Variants in ANKS1B observed in about 807,000 individuals in gnomAD.
The protein encoded by ANKS1B is ankyrin repeat and sterile alpha motif domain-containing protein 1B.
A neutral mutation model predicts 148.3 loss-of-function variants in ANKS1B; 36 were observed. The observed-to-expected ratio is 0.24, with a 90% CI of 0.19 to 0.32. ANKS1B has a LOEUF of 0.32. Ranked by LOEUF, ANKS1B falls within the 10% of genes least tolerant of loss-of-function variation. The pLI is 1.00. For synonymous variants in ANKS1B, 542 were observed against 560.8 expected (o/e 0.97, Z 0.47); for missense variants, 1,157 against 1,542.6 (o/e 0.75, Z 4.19).
intron 17 of ANKS1B, among the ~76,000 whole-genome samples, chr12:98,872,004 T>C (rs1452631367): frequency 4.6e-5 from 7 of 152,186 alleles, no homozygotes; most frequent in Admixed American, 4.6e-4. Context: ...ATAATAATAT[T>C]TGGAATATTT....
At chr12:98,945,505 C>CAAAAAAAAAAAAAAAAAAAAAAAAA (rs3051086) in intron 17 of ANKS1B, among the ~76,000 whole-genome samples, 2 of 30,298 alleles carry the variant, frequency 6.6e-5, no homozygotes, top group African/African-American at 2.2e-4. Context: ...AACAAACAAA[C>CAAAAAAAAAAAAAAAAAAAAAAAAA]AAAAAAAAAA....
chr12:99,063,477 T>C (rs953286316), intron 16 of ANKS1B, among the ~76,000 whole-genome samples: 27 of 152,170 alleles, frequency 1.8e-4, no homozygotes, highest in African/African-American at 6.5e-4. Flanking sequence ...GTTTCATCAG[T>C]GGCTCTTAAA....
intron 12 of ANKS1B, among the ~76,000 whole-genome samples, chr12:99,254,250 A>G (rs2074994364): frequency 6.6e-6 from 1 of 152,242 alleles, no homozygotes; most frequent in Admixed American, 6.5e-5. Context: ...CCTGTAGAAC[A>G]TATACACTAA....
intron 15 of ANKS1B, among the ~76,000 whole-genome samples, chr12:99,120,280 G>A (rs7961981): frequency 0.58 from 88,607 of 151,998 alleles, 26,288 homozygotes; most frequent in East Asian, 0.74. Context: ...ACAGTGACCC[G>A]GGCTGGGAGT....
rs544811749 is a variant in ANKS1B, at chr12:98,901,664, G to C, written c.2779-69528C>G. Among the ~76,000 whole-genome samples the C allele has an allele frequency of 2.6e-4, 39 of 152,302 alleles. 1 individual carries two copies. The South Asian group carries it at 7.2e-3, about 28-fold the overall frequency. On this transcript the variant is annotated intron_variant, in intron 17 of 26. Coordinates refer to ENST00000683438, the MANE Select transcript of ANKS1B (RefSeq NM_001352186.2). ...ATAAATGTTAGCATATGTTAATAGA[G>C]GGCACAAAATAGAAGTCAGAGAGAG...
chr12:99,426,852 C>T (rs1371662447), intron 11 of ANKS1B, among the ~76,000 whole-genome samples: 1 of 152,126 alleles, frequency 6.6e-6, no homozygotes, highest in Non-Finnish European at 1.5e-5. Context: ...CCAGTTCCAG[C>T]AACATCAAAA....
At chr12:99,312,940 G>C (rs532281396) in intron 12 of ANKS1B, among the ~76,000 whole-genome samples, 6 of 152,158 alleles carry the variant, frequency 3.9e-5, no homozygotes, top group African/African-American at 7.2e-5. Flanking sequence ...AACTGAAGGA[G>C]ATGGAAACAT....
At chr12:99,958,315 G>A (rs188534799) in intron 1 of ANKS1B, among the ~76,000 whole-genome samples, 1 of 152,288 alleles carries the variant, frequency 6.6e-6, no homozygotes, top group Non-Finnish European at 1.5e-5. Flanking sequence ...ACCACAAAAG[G>A]CCTCAAGTGA....
In ANKS1B at chr12:99,524,237, T is replaced by A. The variant is rs554826283; in HGVS notation, c.1273-19596A>T. On this transcript the variant is annotated intron_variant, in intron 9 of 26. Coordinates refer to ENST00000683438, the MANE Select transcript of ANKS1B (RefSeq NM_001352186.2). Reference sequence around the variant, plus strand: ...AATCAGAAGAAAAATAACTTTTTTTTAAAACGAAGATACTTTAGGTGGGAG... The same window carrying A: ...AATCAGAAGAAAAATAACTTTTTTTAAAAACGAAGATACTTTAGGTGGGAG... Among the ~76,000 whole-genome samples the A allele has an allele frequency of 5.7e-4, 87 of 152,276 alleles. No individual in the cohort carries two copies. In the South Asian group the frequency reaches 0.013, roughly 22 times the overall value.
At chr12:98,931,583 T>C (rs2099813707) in intron 17 of ANKS1B, 1 of 152,190 alleles carries the variant, frequency 6.6e-6, no homozygotes, top group South Asian at 2.1e-4. Context: ...GTATTACTCT[T>C]TTTATATTGA....
intron 1 of ANKS1B, among the ~76,000 whole-genome samples, chr12:99,861,525 T>C (rs895601841): frequency 5.3e-5 from 8 of 152,236 alleles, no homozygotes; most frequent in African/African-American, 1.7e-4. Context: ...AGAATTGTTT[T>C]GTCTATCAGT....
At chr12:99,227,546 T>C (rs2086145173) in intron 14 of ANKS1B, among the ~76,000 whole-genome samples, 1 of 152,160 alleles carries the variant, frequency 6.6e-6, no homozygotes, top group Non-Finnish European at 1.5e-5. Flanking sequence ...GGAGGAGAGA[T>C]GTCTGATTAA....
chr12:98,943,450 T>C (rs760772262), intron 17 of ANKS1B, among the ~76,000 whole-genome samples: 5 of 152,228 alleles, frequency 3.3e-5, no homozygotes, highest in Admixed American at 2.6e-4. Flanking sequence ...CAGATCTTAC[T>C]GGACAAAGAT....
chr12:99,176,931 T>TG (rs1336004151), intron 14 of ANKS1B, among the ~76,000 whole-genome samples: 2 of 152,148 alleles, frequency 1.3e-5, no homozygotes, highest in African/African-American at 4.8e-5. Context: ...TTACATAGTC[T>TG]CAGATGTTTC....
At chr12:99,013,612 C>A (rs774890527) in intron 17 of ANKS1B, among the ~76,000 whole-genome samples, 1 of 152,058 alleles carries the variant, frequency 6.6e-6, no homozygotes, top group South Asian at 2.1e-4. Flanking sequence ...ATCTAGAAAA[C>A]CTCATAATCT....
At chr12:99,309,622 T>A (rs2082867564) in intron 12 of ANKS1B, among the ~76,000 whole-genome samples, 1 of 152,062 alleles carries the variant, frequency 6.6e-6, no homozygotes. Context: ...CACACATAAA[T>A]ACATAAATAT....
At chr12:99,196,868 C>T (rs2081448088) in intron 14 of ANKS1B, among the ~76,000 whole-genome samples, 1 of 152,072 alleles carries the variant, frequency 6.6e-6, no homozygotes, top group Admixed American at 6.6e-5. Flanking sequence ...ATCTCTATTT[C>T]TTGCTTCTGT....
chr12:99,631,952 G>T (rs1394265629), intron 9 of ANKS1B, among the ~76,000 whole-genome samples: 1 of 152,152 alleles, frequency 6.6e-6, no homozygotes, highest in African/African-American at 2.4e-5. Flanking sequence ...AGGGAGCCAG[G>T]TGCTATTCCT....
intron 16 of ANKS1B, among the ~76,000 whole-genome samples, chr12:99,060,419 G>T (rs578188204): frequency 6.6e-6 from 1 of 151,936 alleles, no homozygotes; most frequent in African/African-American, 2.4e-5. Context: ...CTGCTTGATC[G>T]ACTTCAACCA....
Sources: gnomAD v4.1 joint callset for allele counts (sites outside exome capture counted in the v4.1 genomes callset) on GRCh38, gnomAD v4.1.1 for gene constraint, MANE v1.5 for transcripts, NCBI Gene and HGNC (gene_info 2026-07-23, HGNC 2026-07-21) for gene names.